HS6ST3: variants seen among roughly 807,000 people sequenced by gnomAD.
The protein encoded by HS6ST3 is heparan sulfate 6-O-sulfotransferase 3.
HS6ST3 carries 12 observed loss-of-function variants against 36.7 expected under a neutral mutation model. That is an observed-to-expected ratio of 0.33 (90% CI 0.21 to 0.53). The LOEUF is 0.53. HS6ST3 is among the 20% of genes least tolerant of loss of function. The probability of loss-of-function intolerance (pLI) is 0.95; values close to 1 mark genes in which losing one functional copy is unlikely to be tolerated. For missense variants in HS6ST3, 584 were observed against 640.9 expected, an observed-to-expected ratio of 0.91 and a Z score of 0.96; for synonymous variants, 240 against 257.5, an observed-to-expected ratio of 0.93 and a Z score of 0.65.
intron 1 of HS6ST3, among the ~76,000 whole-genome samples, chr13:96,280,555 TTGA>T (rs1216183506): frequency 6.6e-6 from 1 of 152,188 alleles, no homozygotes; most frequent in Non-Finnish European, 1.5e-5. Flanking sequence ...TCTAAATTGT[TTGA>T]ACAATCAGAG....
intron 1 of HS6ST3, among the ~76,000 whole-genome samples, chr13:96,157,640 C>T (rs1207868784): frequency 2.0e-5 from 3 of 152,130 alleles, no homozygotes; most frequent in Non-Finnish European, 4.4e-5. Context: ...GTGCAGGTAA[C>T]TTTCAGTGGA....
chr13:96,535,511 T>G (rs189817676), intron 1 of HS6ST3, among the ~76,000 whole-genome samples: 162 of 144,258 alleles, frequency 1.1e-3, no homozygotes, highest in African/African-American at 4.0e-3. Flanking sequence ...TGAGCCGAGA[T>G]CTCACCATTG....
intron 1 of HS6ST3, among the ~76,000 whole-genome samples, chr13:96,306,561 G>C (rs1238564724): frequency 2.0e-5 from 3 of 152,106 alleles, no homozygotes; most frequent in African/African-American, 7.2e-5. Context: ...GTATGAAGGT[G>C]CGTTAGATTC....
chr13:96,786,865 A>C (rs907996000), intron 1 of HS6ST3, among the ~76,000 whole-genome samples: 30 of 35,840 alleles, frequency 8.4e-4, no homozygotes, highest in African/African-American at 2.6e-3. Flanking sequence ...AATCTCCCTC[A>C]TGCTACCCTT....
intron 1 of HS6ST3, among the ~76,000 whole-genome samples, chr13:96,765,218 A>G (rs965038543): frequency 1.4e-4 from 22 of 151,984 alleles, no homozygotes; most frequent in Admixed American, 3.9e-4. Flanking sequence ...GGACTAAGGC[A>G]GCCGCCACCG....
intron 1 of HS6ST3, among the ~76,000 whole-genome samples, chr13:96,531,092 A>G (rs2056133480): frequency 6.6e-6 from 1 of 152,144 alleles, no homozygotes. Flanking sequence ...AATATATTCT[A>G]GCCATATCTC....
chr13:96,280,028 A>G (rs750605621), intron 1 of HS6ST3, among the ~76,000 whole-genome samples: 5 of 152,186 alleles, frequency 3.3e-5, no homozygotes, highest in Non-Finnish European at 7.3e-5. Flanking sequence ...ATGTGGACAT[A>G]GCTTCTGGGT....
intron 1 of HS6ST3, among the ~76,000 whole-genome samples, chr13:96,815,822 A>G (rs1298147182): frequency 1.3e-5 from 2 of 152,172 alleles, no homozygotes; most frequent in South Asian, 2.1e-4. Context: ...GTCAAAATGT[A>G]TTTTAAAGAA....
At chr13:96,329,144 A>G (rs1459871740) in intron 1 of HS6ST3, among the ~76,000 whole-genome samples, 1 of 146,426 alleles carries the variant, frequency 6.8e-6, no homozygotes, top group African/African-American at 2.5e-5. Context: ...TCCCGGATTC[A>G]TTAATTTTTT....
At chr13:96,469,719 G>GTGGTGA (rs962154159) in intron 1 of HS6ST3, among the ~76,000 whole-genome samples, 1 of 152,074 alleles carries the variant, frequency 6.6e-6, no homozygotes. Flanking sequence ...GATAGTAGTG[G>GTGGTGA]TGGTGATGGT....
At chr13:96,661,784 G>A (rs1431016983) in intron 1 of HS6ST3, among the ~76,000 whole-genome samples, 5 of 152,098 alleles carry the variant, frequency 3.3e-5, no homozygotes, top group Admixed American at 3.3e-4. Context: ...TGTGGGTCCG[G>A]TCTATTGGTG....
rs1237235400 is a variant in HS6ST3, at chr13:96,091,044, C to T, written c.182C>T (p.Pro61Leu). ...VPGPARRAQAPPEEWERRPQL... is the reference protein window; with the variant it reads ...VPGPARRAQALPEEWERRPQL... ...GGTCCCGCCCGCCGGGCTCAGGCGCCGCCGGAGGAGTGGGAGCGGCGGCCC... is the reference window on the plus strand; with the variant it reads ...GGTCCCGCCCGCCGGGCTCAGGCGCTGCCGGAGGAGTGGGAGCGGCGGCCC... Residue 61 changes from proline to leucine, a missense_variant, in exon 1 of 2, where the codon CCG becomes CTG. By Grantham distance (98) the Pro-to-Leu change is moderately conservative (BLOSUM62 -3). Transcript: ENST00000376705. 8.0e-7 allele frequency: 1 copy of T among 1,255,646 alleles called. No individual in the cohort carries two copies. The highest frequency in any genetic ancestry group is 1.0e-6 in the Non-Finnish European group (1 of 1,001,390). The allele number at this position is 1,255,646 out of a possible 1,614,324, so 77.8% of individuals were successfully genotyped here.
chr13:96,833,155 G>T lies in HS6ST3; in HGVS notation c.1373G>T (p.Gly458Val), dbSNP rs1331474154. ...QWPKEDGAAEGTVTEDYNSQV... is the reference protein window; with the variant it reads ...QWPKEDGAAEVTVTEDYNSQV... ...CCCAAAGAAGATGGGGCTGCAGAAG[G>T]GACTGTCACCGAGGACTACAACAGC... Residue 458 changes from glycine to valine, a missense_variant, in exon 2 of 2, where the codon GGG becomes GTG. Transcript: ENST00000376705. The T allele has an allele frequency of 6.3e-7, 1 of 1,593,926 alleles. No homozygotes were observed. Among genetic ancestry groups the T allele is most frequent in the Non-Finnish European group, 8.5e-7 (1 of 1,176,926 alleles).
chr13:96,593,078 C>G (rs2056388364), intron 1 of HS6ST3, among the ~76,000 whole-genome samples: 1 of 151,466 alleles, frequency 6.6e-6, no homozygotes, highest in African/African-American at 2.4e-5. Context: ...CTTAGATTTG[C>G]CCTTTTTAGG....
intron 1 of HS6ST3, among the ~76,000 whole-genome samples, chr13:96,607,045 T>C (rs1261353781): frequency 6.6e-6 from 1 of 152,174 alleles, no homozygotes; most frequent in Non-Finnish European, 1.5e-5. Context: ...CAAACACTAA[T>C]ATGAAAATTC....
chr13:96,337,416 C>CT (rs956580465), intron 1 of HS6ST3, among the ~76,000 whole-genome samples: 5 of 152,194 alleles, frequency 3.3e-5, no homozygotes, highest in Non-Finnish European at 7.4e-5. Context: ...CTGGATATTG[C>CT]TGTCAGCTCC....
intron 1 of HS6ST3, among the ~76,000 whole-genome samples, chr13:96,450,380 T>C (rs193079042): frequency 6.6e-6 from 1 of 152,352 alleles, no homozygotes; most frequent in East Asian, 1.9e-4. Flanking sequence ...AACATTGATG[T>C]TCGTGAAAAA....
At chr13:96,574,857 A>AAC (rs1566401160) in intron 1 of HS6ST3, among the ~76,000 whole-genome samples, 1 of 152,056 alleles carries the variant, frequency 6.6e-6, no homozygotes, top group East Asian at 1.9e-4. Flanking sequence ...ACGAGGGTTG[A>AAC]ACACACACAC....
chr13:96,589,510 GTT>G, intron 1 of HS6ST3, among the ~76,000 whole-genome samples: 1 of 151,652 alleles, frequency 6.6e-6, no homozygotes, highest in African/African-American at 2.4e-5. Context: ...CTTTTATATT[GTT>G]TTTCTTGACT....
Sources: gnomAD v4.1 joint callset for allele counts (sites outside exome capture counted in the v4.1 genomes callset) on GRCh38, gnomAD v4.1.1 for gene constraint, MANE v1.5 for transcripts, NCBI Gene and HGNC (gene_info 2026-07-23, HGNC 2026-07-21) for gene names.